Variants in DAB1 observed in about 807,000 individuals in gnomAD.
The protein encoded by DAB1 is disabled homolog 1.
Under a neutral mutation model 64.6 loss-of-function variants are expected in DAB1, and 15 were observed. The observed-to-expected ratio is 0.23, with a 90% CI of 0.16 to 0.36. The LOEUF (loss-of-function observed/expected upper bound fraction) is 0.36. Ranked by LOEUF, DAB1 falls within the 10% of genes least tolerant of loss-of-function variation. The pLI is 1.00. For synonymous variants in DAB1, 235 were observed against 251.9 expected (o/e 0.93, Z 0.64); for missense variants, 596 against 706.7 (o/e 0.84, Z 1.78).
chr1:57,010,993 A>G, intron 13 of DAB1, 152 bp downstream of exon 13: 3 of 1,068,776 alleles, frequency 2.8e-6, no homozygotes, highest in Non-Finnish European at 4.0e-6. Context: ...TCATTTGAAC[A>G]CAAAAGAAAG....
chr1:57,183,091 T>A (rs1254279997), intron 2 of DAB1, among the ~76,000 whole-genome samples: 3 of 152,014 alleles, frequency 2.0e-5, no homozygotes, highest in Admixed American at 6.6e-5. Flanking sequence ...ACTGGGGGTA[T>A]TTAACCTGAG....
chr1:57,662,246 C>A (rs6658850), intron 6 of DAB1, among the ~76,000 whole-genome samples: 121,247 of 152,102 alleles, frequency 0.8, 48,542 homozygotes, highest in Non-Finnish European at 0.84. Flanking sequence ...CCCAGGCTGG[C>A]GTGCAATGGC....
chr1:57,332,487 T>A (rs779872434), intron 1 of DAB1, among the ~76,000 whole-genome samples: 28 of 152,196 alleles, frequency 1.8e-4, no homozygotes, highest in Non-Finnish European at 1.3e-4. Flanking sequence ...GGTAGAGTAA[T>A]CATTTATGGA....
intron 7 of DAB1, among the ~76,000 whole-genome samples, chr1:57,450,316 T>A (rs1686302940): frequency 1.3e-5 from 2 of 152,214 alleles, no homozygotes; most frequent in African/African-American, 2.4e-5. Flanking sequence ...ATTCAAGGAA[T>A]CATGGTGAAG....
chr1:57,170,284 C>G (rs1661621495), intron 2 of DAB1, among the ~76,000 whole-genome samples: 1 of 152,076 alleles, frequency 6.6e-6, no homozygotes, highest in African/African-American at 2.4e-5. Flanking sequence ...CAGGTGTGAG[C>G]CACCATGCCC....
chr1:57,523,129 A>T (rs7526064), intron 7 of DAB1, among the ~76,000 whole-genome samples: 2 of 152,068 alleles, frequency 1.3e-5, no homozygotes, highest in Admixed American at 1.3e-4. Context: ...TTTCATATAT[A>T]TATCTATTCT....
Position 57,113,296 on chromosome 1 carries a change from T to C in DAB1, c.306+23247A>G, listed in dbSNP as rs762754196. ...CCTTTTAGAAATCCTATAAAATAGG[T>C]ATTATTATCTCCATTTTATAGGTGA... On this transcript the variant is annotated intron_variant, in intron 4 of 14. Transcript: ENST00000371236. 5.3e-4 allele frequency among the ~76,000 whole-genome samples: 80 copies of C among 152,236 alleles called. 1 individual carries two copies. Among genetic ancestry groups the C allele is most frequent in the Admixed American group, 2.0e-3 (31 of 15,290 alleles).
At chr1:58,074,561 T>TAC (rs2100579064) in intron 5 of DAB1, 1 of 51,784 alleles carries the variant, frequency 1.9e-5, no homozygotes, top group African/African-American at 7.8e-5. Flanking sequence ...TATATATATG[T>TAC]GTGTATATAT....
intron 2 of DAB1, among the ~76,000 whole-genome samples, chr1:57,193,001 G>A (rs892038490): frequency 6.6e-6 from 1 of 152,116 alleles, no homozygotes; most frequent in African/African-American, 2.4e-5. Flanking sequence ...TGTATACATT[G>A]TGGAATGGCT....
intron 2 of DAB1, among the ~76,000 whole-genome samples, chr1:57,244,846 A>G (rs1210596986): frequency 6.6e-6 from 1 of 152,266 alleles, no homozygotes; most frequent in East Asian, 1.9e-4. Context: ...ATAGTAGTCA[A>G]TAAACTAACG....
chr1:58,532,288 C>T (rs551585967), intron 1 of DAB1, among the ~76,000 whole-genome samples: 5 of 152,238 alleles, frequency 3.3e-5, no homozygotes, highest in African/African-American at 1.2e-4. Context: ...CTGCTGTTTG[C>T]TTTTTACACC....
rs993469048 is a variant in DAB1 at position 57,386,380 on chromosome 1, A to C, written c.-137+37550T>G. Among the ~76,000 whole-genome samples the C allele has an allele frequency of 3.6e-5, 5 of 140,738 alleles. No homozygotes were observed. The South Asian group carries it at 8.8e-4, about 25-fold the overall frequency. The allele number at this position is 140,738 out of a possible 152,430, so 92.3% of individuals were successfully genotyped here. ...AGGCCCCTTGGGAAAAAAAAAAAAA[A>C]AAAAAAACCCGTCTTTTTCATCTCC... is the stretch of plus-strand genomic sequence containing the variant. On this transcript the variant is annotated intron_variant, in intron 1 of 14. Coordinates refer to ENST00000371236, the MANE Select transcript of DAB1 (RefSeq NM_001365792.1).
At chr1:58,034,716 G>A (rs1647019627) in intron 5 of DAB1, among the ~76,000 whole-genome samples, 1 of 152,144 alleles carries the variant, frequency 6.6e-6, no homozygotes, top group Admixed American at 6.5e-5. Flanking sequence ...AAATGCAATG[G>A]GAATTACTCT....
intron 14 of DAB1, among the ~76,000 whole-genome samples, chr1:56,999,786 A>G (rs1445290920): frequency 6.6e-6 from 1 of 152,120 alleles, no homozygotes; most frequent in Non-Finnish European, 1.5e-5. Flanking sequence ...ATCAGATCCA[A>G]TTTCTGGTTC....
At chr1:57,613,029 A>G (rs2101604679) in intron 7 of DAB1, among the ~76,000 whole-genome samples, 1 of 152,304 alleles carries the variant, frequency 6.6e-6, no homozygotes, top group Non-Finnish European at 1.5e-5. Flanking sequence ...AGCAGTCAAC[A>G]CAACTCAGGT....
intron 1 of DAB1, among the ~76,000 whole-genome samples, chr1:57,320,208 G>A (rs1283413856): frequency 1.3e-5 from 2 of 152,168 alleles, no homozygotes; most frequent in Non-Finnish European, 2.9e-5. Context: ...GAAGGTGCCT[G>A]CTTCCCCTTT....
intron 3 of DAB1, among the ~76,000 whole-genome samples, chr1:58,364,999 T>C (rs1644203719): frequency 6.6e-6 from 1 of 152,202 alleles, no homozygotes; most frequent in South Asian, 2.1e-4. Context: ...TACCAAGAGA[T>C]GTTTCAGAGA....
chr1:58,493,218 C>A (rs1351041474), intron 3 of DAB1, among the ~76,000 whole-genome samples: 3 of 151,890 alleles, frequency 2.0e-5, no homozygotes, highest in African/African-American at 4.8e-5. Flanking sequence ...ATTCAACAGC[C>A]CTTCATGCTA....
intron 2 of DAB1, among the ~76,000 whole-genome samples, chr1:57,186,173 T>A (rs1238210131): frequency 6.6e-6 from 1 of 152,204 alleles, no homozygotes; most frequent in Non-Finnish European, 1.5e-5. Context: ...AATTACTAAC[T>A]AAATCAAACC....
Sources: allele counts gnomAD v4.1 joint callset (sites outside exome capture counted in the v4.1 genomes callset), GRCh38; gene constraint gnomAD v4.1.1; transcripts MANE v1.5; gene names NCBI Gene and HGNC (gene_info 2026-07-23, HGNC 2026-07-21).